The following SRRM4 variants were observed in gnomAD, a reference collection of about 807,000 sequenced individuals.
SRRM4 encodes the protein serine/arginine repetitive matrix 4.
A neutral mutation model predicts 68.9 loss-of-function variants in SRRM4; 33 were observed. The observed-to-expected ratio is 0.48, with a 90% CI of 0.36 to 0.64. The LOEUF (loss-of-function observed/expected upper bound fraction) is 0.64. SRRM4 is among the 30% of genes least tolerant of loss of function. The pLI is 0.00. For missense variants in SRRM4, 817 were observed against 827.1 expected (o/e 0.99, Z 0.15); for synonymous variants, 318 against 318.8 (o/e 1.00, Z 0.03).
chr12:119,122,159 G>A, intron 6 of SRRM4, 39 bp downstream of exon 6: 1 of 1,407,918 alleles, frequency 7.1e-7, no homozygotes, highest in Non-Finnish European at 1.0e-6. Context: ...ATCAGTTTGA[G>A]GAGTTGGGGC....
At chr12:119,125,631 G>T (rs1465082750) in intron 7 of SRRM4, among the ~76,000 whole-genome samples, 152 bp downstream of exon 7, 1 of 152,160 alleles carries the variant, frequency 6.6e-6, no homozygotes, top group Non-Finnish European at 1.5e-5. Flanking sequence ...GTAGAGAAAG[G>T]GCTGGAGAGC....
At chr12:119,003,876 A>G (rs1182196533) in intron 1 of SRRM4, among the ~76,000 whole-genome samples, 1 of 152,082 alleles carries the variant, frequency 6.6e-6, no homozygotes, top group African/African-American at 2.4e-5. Context: ...CTCTCTATAG[A>G]CGATATTACT....
chr12:118,995,807 A>T (rs539517369), intron 1 of SRRM4, among the ~76,000 whole-genome samples: 1 of 152,238 alleles, frequency 6.6e-6, no homozygotes, highest in East Asian at 1.9e-4. Flanking sequence ...TCCGTTTATC[A>T]TGCATTTACT....
chr12:119,006,645 CT>C (rs971177925), intron 1 of SRRM4, among the ~76,000 whole-genome samples: 15 of 152,358 alleles, frequency 9.8e-5, no homozygotes, highest in Middle Eastern at 3.4e-3. Context: ...AGGATTGCTG[CT>C]TCCTTCAGGA....
intron 1 of SRRM4, among the ~76,000 whole-genome samples, chr12:119,071,312 A>T (rs554534394): frequency 3.4e-4 from 52 of 152,170 alleles, no homozygotes; most frequent in Non-Finnish European, 4.0e-4. Context: ...TTCGTGTAAG[A>T]CACAGATGTG....
rs1482558390 is a variant in SRRM4, at chr12:119,125,496, G to C, written c.614+17G>C. 1 of 1,608,658 alleles carries C rather than the reference G, an allele frequency of 6.2e-7. No homozygotes were observed. Among genetic ancestry groups the C allele is most frequent in the South Asian group, 1.1e-5 (1 of 90,748 alleles). ...TGAGAGCAGGTAACCCCTTGCCCCAGGATCCTCTTCTGTCAGCCACAGCCG... is the reference window on the plus strand; with the variant it reads ...TGAGAGCAGGTAACCCCTTGCCCCACGATCCTCTTCTGTCAGCCACAGCCG... On this transcript the variant is annotated intron_variant, in intron 7 of 12. Transcript: ENST00000267260.
At position 119,160,228 on chromosome 12, in the gene SRRM4, G is replaced by A. The variant is rs1007192097; in HGVS notation, c.*3430G>A. 2 of 151,940 alleles carry A rather than the reference G, an allele frequency of 1.3e-5. No homozygotes were observed. The highest frequency in any genetic ancestry group is 2.9e-5 in the Non-Finnish European group (2 of 68,032). 9.4% of individuals were successfully genotyped at this position (151,940 alleles called of 1,614,324 possible). A position where few individuals can be genotyped will look rare whatever the true frequency, so the allele number is the denominator to read the frequency against. ...AAGTTTACAAGAAGGCTGCTTAAATGCCTGCTTCGGGGAAATCTCTGCCTC... is the reference window on the plus strand; with the variant it reads ...AAGTTTACAAGAAGGCTGCTTAAATACCTGCTTCGGGGAAATCTCTGCCTC... On this transcript the variant is annotated 3_prime_UTR_variant, in exon 13 of 13. Coordinates refer to ENST00000267260, the MANE Select transcript of SRRM4 (RefSeq NM_194286.4).
At chr12:119,125,344 T>G (rs1246797658) in intron 6 of SRRM4, 37 bp from the exon 7 acceptor site, 2 of 1,564,180 alleles carry the variant, frequency 1.3e-6, no homozygotes, top group South Asian at 2.2e-5. Context: ...ACTCTCTCTC[T>G]CCTCTCCTCT....
chr12:119,015,062 A>G (rs1953472878), intron 1 of SRRM4, among the ~76,000 whole-genome samples: 1 of 152,198 alleles, frequency 6.6e-6, no homozygotes, highest in Non-Finnish European at 1.5e-5. Context: ...GAATGCAATG[A>G]AGCAGTCAAA....
chr12:119,072,432 G>A (rs1400355967), intron 1 of SRRM4, among the ~76,000 whole-genome samples: 1 of 152,156 alleles, frequency 6.6e-6, no homozygotes, highest in Non-Finnish European at 1.5e-5. Context: ...TTGAGGGAAG[G>A]ATGAAGAAAG....
At chr12:119,096,826 G>A (rs144372761) in intron 1 of SRRM4, among the ~76,000 whole-genome samples, 9 of 152,346 alleles carry the variant, frequency 5.9e-5, no homozygotes, top group Non-Finnish European at 1.2e-4. Flanking sequence ...GCAGCTGGCT[G>A]ATTGGCTCAG....
At chr12:119,068,927 C>CG (rs1034181509) in intron 1 of SRRM4, among the ~76,000 whole-genome samples, 3 of 152,026 alleles carry the variant, frequency 2.0e-5, no homozygotes, top group Non-Finnish European at 2.9e-5. Flanking sequence ...GGGTTTATCT[C>CG]ATTCTTATTT....
rs1390045623 is a variant in SRRM4 at position 119,161,293 on chromosome 12, A to C, written c.*4495A>C. 6.6e-6 allele frequency: 1 copy of C among 152,272 alleles called. No individual in the cohort carries two copies. Among genetic ancestry groups the C allele is most frequent in the Non-Finnish European group, 1.5e-5 (1 of 68,052 alleles). 9.4% of individuals were successfully genotyped at this position (152,272 alleles called of 1,614,324 possible). A position where few individuals can be genotyped will look rare whatever the true frequency, so the allele number is the denominator to read the frequency against. ...CGAAGTCAAAAAACAGGATTCCTCC[A>C]AACATGCCTCCTCCCGCACTGGCCA... On this transcript the variant is annotated 3_prime_UTR_variant, in exon 13 of 13. Coordinates refer to ENST00000267260, the MANE Select transcript of SRRM4 (RefSeq NM_194286.4).
chr12:119,087,536 GT>G (rs1953986122), intron 1 of SRRM4, among the ~76,000 whole-genome samples: 1 of 152,138 alleles, frequency 6.6e-6, no homozygotes, highest in African/African-American at 2.4e-5. Flanking sequence ...AATTAGTGAG[GT>G]TTCATGGTCC....
Position 119,156,744 on chromosome 12 carries a change from G to C in SRRM4, c.1782G>C (p.Arg594Ser). ...GGAGCCGGAGCCGGAGCCGGAGCAG[G>C]AGCCAGAGCCGGAGCTACAGCTCAG... ...RSRSRSRSRS[R>S]SQSRSYSSAD... The change falls in exon 13 of 13, where the codon AGG becomes AGC. Residue 594 changes from arginine to serine, a missense_variant. Arg to Ser is a moderately radical substitution (Grantham distance 110, BLOSUM62 -1). Coordinates refer to ENST00000267260, the MANE Select transcript of SRRM4 (RefSeq NM_194286.4). 1 of 1,546,202 alleles carries C rather than the reference G, an allele frequency of 6.5e-7. No individual in the cohort carries two copies. Among genetic ancestry groups the C allele is most frequent in the Non-Finnish European group, 8.7e-7 (1 of 1,146,300 alleles).
chr12:119,076,326 A>G (rs1953916410), intron 1 of SRRM4, among the ~76,000 whole-genome samples: 1 of 98,510 alleles, frequency 1.0e-5, no homozygotes, highest in Non-Finnish European at 2.6e-5. Context: ...CACTTTACAG[A>G]TGGAAAAAAA....
chr12:119,035,063 A>G lies in SRRM4; in HGVS notation c.131+53050A>G, dbSNP rs147003677. 3.0e-3 allele frequency among the ~76,000 whole-genome samples: 456 copies of G among 152,274 alleles called. 2 individuals carry two copies. Among genetic ancestry groups the G allele is most frequent in the Middle Eastern group, 6.8e-3 (2 of 294 alleles). ...AACTATACAATCCTTTATTTTGACTAACTTCTTACTTGGCCACAGTATATT... is the reference window on the plus strand; with the variant it reads ...AACTATACAATCCTTTATTTTGACTGACTTCTTACTTGGCCACAGTATATT... On this transcript the variant is annotated intron_variant, in intron 1 of 12. Coordinates refer to ENST00000267260, the MANE Select transcript of SRRM4 (RefSeq NM_194286.4).
intron 1 of SRRM4, among the ~76,000 whole-genome samples, chr12:119,050,103 G>A (rs1037767278): frequency 2.0e-4 from 31 of 152,038 alleles, no homozygotes; most frequent in African/African-American, 5.8e-4. Context: ...TGGGCCAATC[G>A]TGCACTCTTC....
At chr12:119,057,338 G>A (rs1216683136) in intron 1 of SRRM4, among the ~76,000 whole-genome samples, 1 of 152,096 alleles carries the variant, frequency 6.6e-6, no homozygotes, top group Non-Finnish European at 1.5e-5. Flanking sequence ...TCTTCCTGAT[G>A]CTCTCCCTCT....
Sources: allele counts gnomAD v4.1 joint callset (sites outside exome capture counted in the v4.1 genomes callset), GRCh38; gene constraint gnomAD v4.1.1; transcripts MANE v1.5; gene names NCBI Gene and HGNC (gene_info 2026-07-23, HGNC 2026-07-21).